Variants in DLG2 observed in about 807,000 individuals in gnomAD.
DLG2 encodes disks large homolog 2.
In DLG2, 45 loss-of-function variants were observed where a neutral mutation model predicts 132.5. That is an observed-to-expected ratio of 0.34 (90% CI 0.27 to 0.44). DLG2 has a LOEUF of 0.44. DLG2 is among the 20% of genes least tolerant of loss of function. DLG2 has a pLI of 1.00. For missense variants in DLG2, 1,045 were observed against 1,196.9 expected (o/e 0.87, Z 1.87); for synonymous variants, 424 against 419.6 (o/e 1.01, Z -0.13).
At chr11:84,201,772 A>G (rs2096596715) in intron 8 of DLG2, among the ~76,000 whole-genome samples, 1 of 133,274 alleles carries the variant, frequency 7.5e-6, no homozygotes, top group Non-Finnish European at 1.6e-5. Context: ...TTAAGCTACC[A>G]TTGACATTCT....
intron 15 of DLG2, among the ~76,000 whole-genome samples, chr11:83,887,484 G>A (rs2068276284): frequency 6.6e-6 from 1 of 152,008 alleles, no homozygotes; most frequent in Non-Finnish European, 1.5e-5. Context: ...AAGAGTCCAG[G>A]ACCAGACGGA....
chr11:83,752,348 C>T (rs1179301373), intron 18 of DLG2, among the ~76,000 whole-genome samples: 2 of 151,654 alleles, frequency 1.3e-5, no homozygotes, highest in Non-Finnish European at 2.9e-5. Context: ...AACTTCCTTC[C>T]CTCCCCATTC....
At chr11:85,150,579 A>G (rs375375524) in intron 5 of DLG2, among the ~76,000 whole-genome samples, 1 of 152,210 alleles carries the variant, frequency 6.6e-6, no homozygotes, top group East Asian at 1.9e-4. Context: ...GATACTTCAT[A>G]GGAGTGGAAT....
chr11:83,900,448 G>A (rs1457517886), intron 15 of DLG2, among the ~76,000 whole-genome samples: 1 of 152,150 alleles, frequency 6.6e-6, no homozygotes, highest in Non-Finnish European at 1.5e-5. Context: ...GGTTTTGTGG[G>A]CTGGTCCCAG....
At chr11:83,570,649 T>A (rs1190579164) in intron 19 of DLG2, among the ~76,000 whole-genome samples, 2 of 152,022 alleles carry the variant, frequency 1.3e-5, no homozygotes, top group Non-Finnish European at 2.9e-5. Flanking sequence ...GGAAGAGTCA[T>A]CCAAAGAACT....
intron 7 of DLG2, among the ~76,000 whole-genome samples, chr11:84,346,255 C>A (rs902970988): frequency 6.6e-6 from 1 of 152,114 alleles, no homozygotes; most frequent in African/African-American, 2.4e-5. Flanking sequence ...ACATTTATTC[C>A]TGTATTAGAG....
intron 14 of DLG2, among the ~76,000 whole-genome samples, chr11:83,937,507 CAAAAAAAA>C (rs11313794): frequency 5.4e-5 from 4 of 73,808 alleles, no homozygotes; most frequent in African/African-American, 1.4e-4. Flanking sequence ...GACTCCATCT[CAAAAAAAA>C]AAAAAAAAAA....
chr11:85,600,427 A>G (rs1460105288), intron 2 of DLG2, among the ~76,000 whole-genome samples: 1 of 152,242 alleles, frequency 6.6e-6, no homozygotes, highest in Admixed American at 6.5e-5. Flanking sequence ...GTAAATACTT[A>G]AAAACTAGTT....
chr11:83,465,705 A>G (rs1163355283), intron 26 of DLG2, among the ~76,000 whole-genome samples: 2 of 152,226 alleles, frequency 1.3e-5, no homozygotes, highest in African/African-American at 4.8e-5. Flanking sequence ...GAGTACATGA[A>G]CAGCTTTACT....
chr11:84,117,314 G>A (rs1310412139), intron 9 of DLG2, among the ~76,000 whole-genome samples: 7 of 152,106 alleles, frequency 4.6e-5, no homozygotes, highest in African/African-American at 1.7e-4. Flanking sequence ...ATCTATCCTA[G>A]TCATTCCGAA....
intron 16 of DLG2, among the ~76,000 whole-genome samples, chr11:83,842,567 G>T (rs2154020130): frequency 6.8e-6 from 1 of 147,436 alleles, no homozygotes; most frequent in Non-Finnish European, 1.5e-5. Context: ...GGTGGCTCAT[G>T]CTTGTAGTCC....
intron 6 of DLG2, among the ~76,000 whole-genome samples, chr11:84,580,683 GTGGAAAGGAACAGCAAGCTATT>G (rs2099514281): frequency 1.3e-5 from 2 of 152,176 alleles, no homozygotes; most frequent in African/African-American, 4.8e-5. Flanking sequence ...ACACTAAAAC[GTGGAAAGGAACAGCAAGCTATT>G]TGGACATTAT....
chr11:84,561,644 A>G (rs74462822), intron 6 of DLG2, among the ~76,000 whole-genome samples: 9,455 of 152,230 alleles, frequency 0.062, 357 homozygotes, highest in South Asian at 0.098. Flanking sequence ...CTCAATAAAT[A>G]TTTATTAAAT....
intron 6 of DLG2, among the ~76,000 whole-genome samples, chr11:84,619,728 A>G (rs1297740462): frequency 6.6e-6 from 1 of 151,766 alleles, no homozygotes; most frequent in Non-Finnish European, 1.5e-5. Flanking sequence ...AAAATTCTCG[A>G]AAGTTTTTCA....
intron 7 of DLG2, among the ~76,000 whole-genome samples, chr11:84,489,509 G>T (rs2154495462): frequency 6.6e-6 from 1 of 152,174 alleles, no homozygotes; most frequent in South Asian, 2.1e-4. Flanking sequence ...AGTCTACAAA[G>T]TAAAGGTTAT....
intron 19 of DLG2, among the ~76,000 whole-genome samples, chr11:83,562,251 C>A (rs2096624432): frequency 6.6e-6 from 1 of 151,964 alleles, no homozygotes; most frequent in African/African-American, 2.4e-5. Context: ...TCTTTATATA[C>A]ACTCTTATAT....
chr11:84,630,338 G>T (rs563116565), intron 6 of DLG2, among the ~76,000 whole-genome samples: 1 of 152,242 alleles, frequency 6.6e-6, no homozygotes, highest in Non-Finnish European at 1.5e-5. Context: ...TCATCCTGAG[G>T]TTAGGTTTGG....
intron 18 of DLG2, among the ~76,000 whole-genome samples, chr11:83,700,940 T>A (rs1486415381): frequency 1.3e-5 from 2 of 152,226 alleles, no homozygotes; most frequent in Non-Finnish European, 2.9e-5. Context: ...GCTAAGTGGC[T>A]GACAAAATAA....
intron 4 of DLG2, among the ~76,000 whole-genome samples, chr11:85,160,021 C>G (rs1490631465): frequency 1.3e-5 from 2 of 152,192 alleles, no homozygotes; most frequent in Non-Finnish European, 2.9e-5. Context: ...CAAAGAACTT[C>G]TACCTCAGTA....
Sources: gnomAD v4.1 joint callset for allele counts (sites outside exome capture counted in the v4.1 genomes callset) on GRCh38, gnomAD v4.1.1 for gene constraint, MANE v1.5 for transcripts, NCBI Gene and HGNC (gene_info 2026-07-23, HGNC 2026-07-21) for gene names.